The following TCF7L1 variants were observed in gnomAD, a reference collection of about 807,000 sequenced individuals.
TCF7L1 encodes the protein transcription factor 7-like 1.
A neutral mutation model predicts 63.7 loss-of-function variants in TCF7L1; 18 were observed. The ratio of observed to expected loss-of-function variants is 0.28; its 90% CI spans 0.20 to 0.42. The LOEUF (loss-of-function observed/expected upper bound fraction) is 0.42, where lower values mean the gene tolerates loss of function less well. TCF7L1 is among the 10% of genes least tolerant of loss of function. The probability of loss-of-function intolerance (pLI) is 1.00; values close to 1 mark genes in which losing one functional copy is unlikely to be tolerated. For synonymous variants in TCF7L1, 355 were observed against 340.9 expected (o/e 1.04, Z -0.46); for missense variants, 654 against 779.3 (o/e 0.84, Z 1.91).
intron 3 of TCF7L1, among the ~76,000 whole-genome samples, chr2:85,196,551 T>A (rs76897977): frequency 2.0e-5 from 3 of 151,100 alleles, no homozygotes; most frequent in South Asian, 2.1e-4. Context: ...TTTTTTTTTT[T>A]AAGAGACAGG....
At chr2:85,250,237 C>A (rs2104334347) in intron 3 of TCF7L1, among the ~76,000 whole-genome samples, 1 of 152,276 alleles carries the variant, frequency 6.6e-6, no homozygotes, top group East Asian at 1.9e-4. Flanking sequence ...CATCACTGAA[C>A]ACTGAGTTTG....
chr2:85,235,056 TTGTG>T (rs1680162774), intron 3 of TCF7L1, among the ~76,000 whole-genome samples: 1 of 152,116 alleles, frequency 6.6e-6, no homozygotes, highest in African/African-American at 2.4e-5. Flanking sequence ...AATAGCTCAA[TTGTG>T]TGTAAGTGGC....
At chr2:85,282,541 G>A (rs577390945) in intron 3 of TCF7L1, among the ~76,000 whole-genome samples, 20 of 152,298 alleles carry the variant, frequency 1.3e-4, no homozygotes, top group African/African-American at 3.8e-4. Flanking sequence ...ATGTGACACC[G>A]TCCCTAGTCC....
intron 3 of TCF7L1, among the ~76,000 whole-genome samples, chr2:85,239,300 G>A (rs1680269695): frequency 6.6e-6 from 1 of 152,050 alleles, no homozygotes; most frequent in African/African-American, 2.4e-5. Context: ...CTGCTTCTCT[G>A]CTGCTGTGAG....
chr2:85,222,778 G>T (rs893735029), intron 3 of TCF7L1, among the ~76,000 whole-genome samples: 3 of 151,856 alleles, frequency 2.0e-5, no homozygotes, highest in African/African-American at 7.3e-5. Context: ...GGAATAAACT[G>T]TAGGGAAAAA....
At chr2:85,208,526 C>T (rs901342886) in intron 3 of TCF7L1, among the ~76,000 whole-genome samples, 1 of 152,020 alleles carries the variant, frequency 6.6e-6, no homozygotes, top group African/African-American at 2.4e-5. Context: ...AGCAGAGACC[C>T]GAAGGAAGTG....
At chr2:85,278,269 G>A (rs901733795) in intron 3 of TCF7L1, among the ~76,000 whole-genome samples, 7 of 152,164 alleles carry the variant, frequency 4.6e-5, no homozygotes, top group Non-Finnish European at 7.4e-5. Context: ...CTCTAAGGAG[G>A]GGCCCAAAAC....
chr2:85,285,491 C>T (rs949833123), intron 4 of TCF7L1, among the ~76,000 whole-genome samples: 4 of 151,938 alleles, frequency 2.6e-5, no homozygotes, highest in African/African-American at 9.7e-5. Flanking sequence ...ACCGTGAGTG[C>T]GGGACCAGCC....
chr2:85,133,695 TCGGCGGCGGGGG>T lies in TCF7L1; in HGVS notation c.21_32del (p.Gly11_Gly14del), dbSNP rs1337823672. On this transcript the variant is annotated inframe_deletion, in exon 1 of 12. Transcript: ENST00000282111. The surrounding 1 kb of genome is among the most constrained non-coding windows in gnomAD (Gnocchi z 4.4). ...GCCCGCGGCCCCACCATGCCCCAGC[TCGGCGGCGGGGG>T]CGGCGGCGGCGGCGGCGGCAGCGGG... 5.0e-6 allele frequency: 5 copies of T among 996,626 alleles called. No individual in the cohort carries two copies. The highest frequency in any genetic ancestry group is 5.9e-6 in the Non-Finnish European group (5 of 842,628). 61.7% of individuals were successfully genotyped at this position (996,626 alleles called of 1,614,324 possible). A position where few individuals can be genotyped will look rare whatever the true frequency, so the allele number is the denominator to read the frequency against.
chr2:85,301,551 G>C (rs1681973702), intron 4 of TCF7L1, among the ~76,000 whole-genome samples: 1 of 152,024 alleles, frequency 6.6e-6, no homozygotes, highest in South Asian at 2.1e-4. Context: ...CTCTGAAGAT[G>C]TGTCTGTGGC....
intron 3 of TCF7L1, among the ~76,000 whole-genome samples, chr2:85,154,116 G>A (rs893390949): frequency 1.3e-5 from 2 of 152,194 alleles, no homozygotes; most frequent in Non-Finnish European, 2.9e-5. Context: ...CATTGAATCT[G>A]GCTCGCTGGT....
intron 3 of TCF7L1, among the ~76,000 whole-genome samples, chr2:85,213,436 G>A (rs2104292271): frequency 6.6e-6 from 1 of 152,140 alleles, no homozygotes; most frequent in East Asian, 1.9e-4. Context: ...AGCCTTTGAG[G>A]AATCCTATGC....
intron 3 of TCF7L1, among the ~76,000 whole-genome samples, chr2:85,135,952 C>T (rs1677584491): frequency 6.6e-6 from 1 of 151,544 alleles, no homozygotes; most frequent in African/African-American, 2.4e-5. Context: ...GATCAACGAG[C>T]TGCTGCGGTC....
At chr2:85,276,744 T>A (rs990494493) in intron 3 of TCF7L1, among the ~76,000 whole-genome samples, 2 of 152,094 alleles carry the variant, frequency 1.3e-5, no homozygotes, top group South Asian at 2.1e-4. Flanking sequence ...TTTCAACACA[T>A]CATGATTGCC....
At chr2:85,141,199 C>T (rs990225908) in intron 3 of TCF7L1, among the ~76,000 whole-genome samples, 9 of 139,362 alleles carry the variant, frequency 6.5e-5, no homozygotes, top group Non-Finnish European at 9.2e-5. Context: ...TGTGCCACTG[C>T]ACCCCAGCTT....
At chr2:85,262,038 T>C in intron 3 of TCF7L1, 2 of 530,052 alleles carry the variant, frequency 3.8e-6, no homozygotes, top group Non-Finnish European at 7.5e-6. Flanking sequence ...ATTGATCATT[T>C]CTAGCTGGAG....
intron 3 of TCF7L1, among the ~76,000 whole-genome samples, chr2:85,165,655 A>T (rs1007290502): frequency 4.6e-5 from 7 of 152,184 alleles, no homozygotes; most frequent in African/African-American, 1.7e-4. Flanking sequence ...AAAAACATGT[A>T]TGGTGCCAGA....
intron 4 of TCF7L1, among the ~76,000 whole-genome samples, chr2:85,293,774 G>C (rs998518308): frequency 6.6e-5 from 10 of 152,184 alleles, no homozygotes; most frequent in African/African-American, 9.7e-5. Context: ...ACAGTCTCGT[G>C]TCCAAGTACT....
rs200059944 is a variant in TCF7L1 at position 85,306,585 on chromosome 2, C to T, written c.1257+26C>T. Reference sequence around the variant, plus strand: ...GTAAGTGCACACTCTGGGCAGAGGACGCTCAGACCCCAGGAACAGCCTCTG... The same window carrying T: ...GTAAGTGCACACTCTGGGCAGAGGATGCTCAGACCCCAGGAACAGCCTCTG... On this transcript the variant is annotated intron_variant, in intron 10 of 11. Coordinates refer to ENST00000282111, the MANE Select transcript of TCF7L1 (RefSeq NM_031283.3). This position sits in a 1 kb window ranked among gnomAD's most constrained non-coding sequence, Gnocchi z 4.3. The T allele has an allele frequency of 2.0e-4, 310 of 1,589,572 alleles. No individual in the cohort carries two copies. In the African/African-American group the frequency reaches 3.2e-3, roughly 16 times the overall value.
Sources: gnomAD v4.1 joint callset for allele counts (sites outside exome capture counted in the v4.1 genomes callset) on GRCh38, gnomAD v4.1.1 for gene constraint, Gnocchi (gnomAD v3.1) non-coding constraint, MANE v1.5 for transcripts, NCBI Gene and HGNC (gene_info 2026-07-23, HGNC 2026-07-21) for gene names.